Variants in CALN1 observed in about 807,000 individuals in gnomAD.
The protein encoded by CALN1 is calcium-binding protein 8.
CALN1 carries 17 observed loss-of-function variants against 30.6 expected under a neutral mutation model. That is an observed-to-expected ratio of 0.56 (90% CI 0.38 to 0.83). The LOEUF is 0.83. Among genes scored for constraint, CALN1 ranks in the 40% least tolerant of loss-of-function variants. The pLI, the probability that CALN1 is intolerant of heterozygous loss-of-function variation, is 0.00. For missense variants in CALN1, 291 were observed against 354.9 expected, an observed-to-expected ratio of 0.82 and a Z score of 1.45; for synonymous variants, 156 against 131.4, an observed-to-expected ratio of 1.19 and a Z score of -1.28.
intron 2 of CALN1, among the ~76,000 whole-genome samples, chr7:72,316,973 GAAAGGAAAGGAAAAAA>G (rs1381468597): frequency 3.6e-5 from 5 of 138,212 alleles, no homozygotes; most frequent in Non-Finnish European, 7.7e-5. Flanking sequence ...TAAACGAAAG[GAAAGGAAAGGAAAAAA>G]AAAGGAAAGG....
chr7:72,408,638 A>ACC (rs1806873539), intron 1 of CALN1, among the ~76,000 whole-genome samples: 1 of 151,328 alleles, frequency 6.6e-6, no homozygotes, highest in Non-Finnish European at 1.5e-5. Context: ...GGTGGTCATG[A>ACC]AAAGACATAC....
At chr7:72,378,924 T>G (rs1033619875) in intron 2 of CALN1, among the ~76,000 whole-genome samples, 1 of 152,200 alleles carries the variant, frequency 6.6e-6, no homozygotes, top group East Asian at 1.9e-4. Context: ...TGTTGGATTT[T>G]GTTAAATGCT....
chr7:71,993,934 T>C (rs569286863), intron 5 of CALN1, among the ~76,000 whole-genome samples: 1 of 152,274 alleles, frequency 6.6e-6, no homozygotes, highest in Non-Finnish European at 1.5e-5. Context: ...GCATTTTTAC[T>C]ACAAAAAATG....
chr7:71,832,821 G>A (rs1048557589), intron 5 of CALN1, among the ~76,000 whole-genome samples: 2 of 151,642 alleles, frequency 1.3e-5, no homozygotes, highest in South Asian at 4.2e-4. Flanking sequence ...GGCCGGGCTG[G>A]TCTCGAACTC....
At chr7:72,277,699 C>T (rs770316775) in intron 3 of CALN1, among the ~76,000 whole-genome samples, 1 of 152,118 alleles carries the variant, frequency 6.6e-6, no homozygotes, top group Admixed American at 6.6e-5. Context: ...TGTTGTGAAG[C>T]AAGTTTGGCT....
At position 71,974,252 on chromosome 7, in the gene CALN1, TACTAAAACTACAAA is replaced by T. The variant is rs569546112; in HGVS notation, c.501+49391_501+49404del. Reference sequence around the variant, plus strand: ...GGCCAACATGGCAAAACCCTGTGTTTACTAAAACTACAAAACTTAGCCAGGCATGGTGGTACGTG... The same window carrying T: ...GGCCAACATGGCAAAACCCTGTGTTTACTTAGCCAGGCATGGTGGTACGTG... On this transcript the variant is annotated intron_variant, in intron 5 of 6. Coordinates refer to ENST00000395275, the MANE Select transcript of CALN1 (RefSeq NM_031468.4). 4.6e-5 allele frequency among the ~76,000 whole-genome samples: 7 copies of T among 151,916 alleles called. No individual in the cohort carries two copies. The South Asian group carries it at 1.5e-3, about 32-fold the overall frequency.
At chr7:71,975,771 A>G (rs1056839849) in intron 5 of CALN1, among the ~76,000 whole-genome samples, 2 of 151,210 alleles carry the variant, frequency 1.3e-5, no homozygotes. Flanking sequence ...ACCAATAATT[A>G]TTTTTAACCA....
intron 5 of CALN1, among the ~76,000 whole-genome samples, chr7:71,913,448 G>A (rs1301308343): frequency 6.6e-6 from 1 of 152,162 alleles, no homozygotes; most frequent in Non-Finnish European, 1.5e-5. Flanking sequence ...CTCATTGTAG[G>A]TACTAACTAT....
intron 5 of CALN1, among the ~76,000 whole-genome samples, chr7:71,950,054 G>A (rs1340046962): frequency 6.6e-6 from 1 of 152,158 alleles, no homozygotes; most frequent in Non-Finnish European, 1.5e-5. Flanking sequence ...GAGCCACCGT[G>A]CCTGGCCACT....
At chr7:72,314,674 C>T (rs1410926671) in intron 2 of CALN1, among the ~76,000 whole-genome samples, 1 of 151,608 alleles carries the variant, frequency 6.6e-6, no homozygotes, top group African/African-American at 2.4e-5. Flanking sequence ...CTTGTCTGCC[C>T]AAAGTGCTGG....
At chr7:72,293,678 G>A (rs1033619817) in intron 2 of CALN1, among the ~76,000 whole-genome samples, 3 of 152,144 alleles carry the variant, frequency 2.0e-5, no homozygotes, top group Non-Finnish European at 4.4e-5. Flanking sequence ...ATTTTATTCT[G>A]CATTTCTATG....
chr7:72,134,868 G>A lies in CALN1; in HGVS notation c.245-28574C>T, dbSNP rs541768536. On this transcript the variant is annotated intron_variant, in intron 3 of 6. Coordinates refer to ENST00000395275, the MANE Select transcript of CALN1 (RefSeq NM_031468.4). ...CAGTAGAACTTATTTCAGAATTGGA[G>A]TCAATCCTTTTAAGCCTTGCCACTG... Among the ~76,000 whole-genome samples, 6 of 152,302 alleles carry A rather than the reference G, an allele frequency of 3.9e-5. No individual in the cohort carries two copies. In the South Asian group the frequency reaches 1.2e-3, roughly 32 times the overall value.
At chr7:72,133,326 A>T (rs566220279) in intron 3 of CALN1, among the ~76,000 whole-genome samples, 1 of 152,336 alleles carries the variant, frequency 6.6e-6, no homozygotes, top group African/African-American at 2.4e-5. Context: ...TGAAGAGGCT[A>T]CTACTATATT....
the CALN1 span, among the ~76,000 whole-genome samples, chr7:72,493,984 G>C: frequency 6.6e-6 from 1 of 152,180 alleles, no homozygotes; most frequent in Non-Finnish European, 1.5e-5. Context: ...CAGGCTAGGA[G>C]TTCCAGACCA....
intron 3 of CALN1, among the ~76,000 whole-genome samples, chr7:72,122,119 G>A (rs961217164): frequency 1.3e-5 from 2 of 151,818 alleles, no homozygotes; most frequent in African/African-American, 4.8e-5. Flanking sequence ...GCATCATTTG[G>A]CCCATACGGC....
chr7:72,148,981 G>A (rs1333339730), intron 3 of CALN1, among the ~76,000 whole-genome samples: 1 of 150,450 alleles, frequency 6.6e-6, no homozygotes, highest in East Asian at 2.0e-4. Flanking sequence ...AGGGAGGGAG[G>A]GAGGAAGGAA....
At chr7:72,077,131 C>CTT (rs1345162409) in intron 4 of CALN1, among the ~76,000 whole-genome samples, 2 of 152,058 alleles carry the variant, frequency 1.3e-5, no homozygotes, top group African/African-American at 4.8e-5. Context: ...ACCGTTACAC[C>CTT]TTCTATGCAT....
rs200345309 is a variant in CALN1 at position 71,792,318 on chromosome 7, GC to G, written c.659-4417del. ...CCCAGTGAGCCAGCCGCAACCCCCA[GC>G]CCCCTCACCAGTATGATACTTGTGA... On this transcript the variant is annotated intron_variant, in intron 6 of 6. Transcript: ENST00000395275. 2.0e-5 allele frequency among the ~76,000 whole-genome samples: 3 copies of G among 152,126 alleles called. No individual in the cohort carries two copies. The East Asian group carries it at 5.8e-4, about 29-fold the overall frequency.
intron 3 of CALN1, among the ~76,000 whole-genome samples, chr7:72,107,448 A>G (rs1054341714): frequency 2.0e-5 from 3 of 152,246 alleles, no homozygotes; most frequent in Non-Finnish European, 4.4e-5. Flanking sequence ...CCCCTGGGCT[A>G]GCAGAGAACT....
Sources: allele counts gnomAD v4.1 joint callset (sites outside exome capture counted in the v4.1 genomes callset), GRCh38; gene constraint gnomAD v4.1.1; transcripts MANE v1.5; gene names NCBI Gene and HGNC (gene_info 2026-07-23, HGNC 2026-07-21).